The following USP48 variants were observed in gnomAD, a reference collection of about 807,000 sequenced individuals.
The protein encoded by USP48 is ubiquitin specific peptidase 48.
USP48 carries 43 observed loss-of-function variants against 150.7 expected under a neutral mutation model. The ratio of observed to expected loss-of-function variants is 0.29; its 90% CI spans 0.22 to 0.37. USP48 has a LOEUF of 0.37. Among genes scored for constraint, USP48 ranks in the 10% least tolerant of loss-of-function variants. The probability of loss-of-function intolerance (pLI) is 1.00; values close to 1 mark genes in which losing one functional copy is unlikely to be tolerated. For synonymous variants in USP48, 396 were observed against 425.9 expected (o/e 0.93, Z 0.86); for missense variants, 813 against 1,249.6 (o/e 0.65, Z 5.27).
At chr1:21,692,154 G>A (rs559149879) in intron 23 of USP48, among the ~76,000 whole-genome samples, 1 of 152,210 alleles carries the variant, frequency 6.6e-6, no homozygotes. Flanking sequence ...AATCTTACCT[G>A]GATTTTTCAA....
chr1:21,719,321 A>C (rs1571846616), intron 14 of USP48, among the ~76,000 whole-genome samples: 1 of 152,112 alleles, frequency 6.6e-6, no homozygotes, highest in African/African-American at 2.4e-5. Flanking sequence ...AAAGAAAATA[A>C]AAGTAAAAAC....
At chr1:21,734,892 A>C (rs1047811651) in intron 9 of USP48, among the ~76,000 whole-genome samples, 3 of 152,192 alleles carry the variant, frequency 2.0e-5, no homozygotes, top group African/African-American at 7.2e-5. Flanking sequence ...ATAAATGGGT[A>C]CTTAGGCCCA....
At chr1:21,715,696 GC>G (rs2097702264) in intron 14 of USP48, among the ~76,000 whole-genome samples, 2 of 152,254 alleles carry the variant, frequency 1.3e-5, no homozygotes, top group Non-Finnish European at 2.9e-5. Flanking sequence ...AAGAAAATGT[GC>G]TTTTTTAAAT....
chr1:21,718,545 TA>T lies in USP48; in HGVS notation c.1894+2490del, dbSNP rs1326680793. ...TTTACTAAAAATGAAGGGACACTGA[TA>T]TATAAAGAGGCCTTTTTCTTTTTTT... On this transcript the variant is annotated intron_variant, in intron 14 of 26. Transcript: ENST00000308271. Among the ~76,000 whole-genome samples, 782 of 149,996 alleles carry T rather than the reference TA, an allele frequency of 5.2e-3. 8 individuals are homozygous for T. The highest frequency in any genetic ancestry group is 0.018 in the African/African-American group (741 of 40,852).
At chr1:21,710,457 TAAAC>T (rs1009992657) in intron 15 of USP48, among the ~76,000 whole-genome samples, 71 of 152,200 alleles carry the variant, frequency 4.7e-4, no homozygotes, top group African/African-American at 1.6e-3. Flanking sequence ...CTAGGTGTAA[TAAAC>T]AAGGTAAGCT....
chr1:21,728,574 TCCAGC>T lies in USP48; in HGVS notation c.1441_1445del (p.Ala481SerfsTer2). 6.2e-7 allele frequency: 1 copy of T among 1,613,904 alleles called. No individual in the cohort carries two copies. The highest frequency in any genetic ancestry group is 8.5e-7 in the Non-Finnish European group (1 of 1,179,924). On this transcript the variant is annotated frameshift_variant, in exon 11 of 27. Transcript: ENST00000308271. LOFTEE classifies it high-confidence loss of function. ...GTCCCAGAATATCTTACAGACCAGCTCCAGCAGGTAACCTTTGGTACAGCTCCTTA... is the reference window on the plus strand; with the variant it reads ...GTCCCAGAATATCTTACAGACCAGCTAGGTAACCTTTGGTACAGCTCCTTA...
chr1:21,737,170 C>A (rs911295934), intron 8 of USP48, among the ~76,000 whole-genome samples: 15 of 152,286 alleles, frequency 9.8e-5, no homozygotes, highest in African/African-American at 3.6e-4. Context: ...ATCTAACACC[C>A]AGCGCGTTGA....
intron 20 of USP48, 149 bp downstream of exon 20, chr1:21,704,113 A>C: frequency 2.4e-6 from 2 of 835,008 alleles, no homozygotes; most frequent in Non-Finnish European, 3.7e-6. Context: ...TAAACGTACA[A>C]ATAATGGGAT....
At chr1:21,727,412 C>A (rs937546884) in intron 11 of USP48, among the ~76,000 whole-genome samples, 3 of 152,140 alleles carry the variant, frequency 2.0e-5, no homozygotes, top group Non-Finnish European at 4.4e-5. Flanking sequence ...ATGAAAACAG[C>A]CAAAGGAAGC....
At chr1:21,779,072 C>T (rs922650591) in intron 1 of USP48, among the ~76,000 whole-genome samples, 47 of 151,846 alleles carry the variant, frequency 3.1e-4, no homozygotes, top group African/African-American at 1.1e-3. Flanking sequence ...TGAGCCACCA[C>T]GCCCAGCAAA....
At chr1:21,751,677 T>A in intron 5 of USP48, 62 bp from the exon 6 acceptor site, 1 of 1,223,764 alleles carries the variant, frequency 8.2e-7, no homozygotes. Context: ...AGTTATATTG[T>A]ATTACATCCT....
chr1:21,689,539 C>T lies in USP48; in HGVS notation c.3009+435G>A, dbSNP rs562069243. ...AATGGGGGCCCTTGTGACAGAAAAT[C>T]AAATGGGAAAAATCAGGCGTGGAGC... On this transcript the variant is annotated intron_variant, in intron 24 of 26. Transcript: ENST00000308271. Among the ~76,000 whole-genome samples the T allele has an allele frequency of 1.4e-3, 210 of 152,140 alleles. 2 individuals carry two copies. Among genetic ancestry groups the T allele is most frequent in the African/African-American group, 4.7e-3 (196 of 41,500 alleles).
intron 2 of USP48, among the ~76,000 whole-genome samples, chr1:21,757,269 A>C (rs756362206): frequency 1.3e-5 from 2 of 152,150 alleles, no homozygotes; most frequent in African/African-American, 2.4e-5. Context: ...AGAAAATTTA[A>C]TGTATATTTT....
At chr1:21,752,931 CATGCTTAGG>C (rs1189296877) in intron 4 of USP48, 52 bp downstream of exon 4, 3 of 1,504,812 alleles carry the variant, frequency 2.0e-6, no homozygotes, top group Non-Finnish European at 2.6e-6. Context: ...CCTTTATAAA[CATGCTTAGG>C]ATGTTTGGGT....
At chr1:21,771,477 T>C (rs2152641612) in intron 1 of USP48, among the ~76,000 whole-genome samples, 1 of 149,838 alleles carries the variant, frequency 6.7e-6, no homozygotes, top group South Asian at 2.1e-4. Context: ...ATAAATTATT[T>C]ATTTATTTAT....
chr1:21,768,553 A>T (rs573014598), intron 1 of USP48: 1 of 152,102 alleles, frequency 6.6e-6, no homozygotes, highest in South Asian at 2.1e-4. Context: ...AAAATTTCTT[A>T]ATCTTATTGG....
chr1:21,751,585 A>G lies in USP48; in HGVS notation c.696T>C (p.Leu232=), dbSNP rs537426569. The G allele has an allele frequency of 6.2e-7, 1 of 1,614,004 alleles. No homozygotes were observed. Among genetic ancestry groups the G allele is most frequent in the Non-Finnish European group, 8.5e-7 (1 of 1,179,980 alleles). Residue 232 remains leucine (L), a synonymous_variant, in exon 6 of 27, where the codon CTT becomes CTC. Transcript: ENST00000308271. ...ACTCCAGCTCATAAAATTTTGACAA[A>G]AGCTTAGACTCTCTGCCACACTGGT... ...VCNQCGRESK[L]LSKFYELELN... is the part of the protein sequence containing the mutation.
At chr1:21,744,315 A>C (rs1288722420) in intron 8 of USP48, among the ~76,000 whole-genome samples, 1 of 151,946 alleles carries the variant, frequency 6.6e-6, no homozygotes, top group East Asian at 1.9e-4. Flanking sequence ...GTACGATGGC[A>C]TGCGTCTGTA....
At chr1:21,718,445 A>G (rs1457855220) in intron 14 of USP48, among the ~76,000 whole-genome samples, 1 of 152,244 alleles carries the variant, frequency 6.6e-6, no homozygotes, top group Non-Finnish European at 1.5e-5. Context: ...ATAGAGACAT[A>G]TTACTCTGAA....
Sources: allele counts gnomAD v4.1 joint callset (sites outside exome capture counted in the v4.1 genomes callset), GRCh38; gene constraint gnomAD v4.1.1; transcripts MANE v1.5; gene names NCBI Gene and HGNC (gene_info 2026-07-23, HGNC 2026-07-21).